Variants in FRMD5 observed in about 807,000 individuals in gnomAD.
FRMD5 encodes the protein FERM domain containing 5.
FRMD5 carries 20 observed loss-of-function variants against 69.0 expected under a neutral mutation model. The observed-to-expected ratio is 0.29, with a 90% CI of 0.20 to 0.42. The LOEUF (loss-of-function observed/expected upper bound fraction) is 0.42. Ranked by LOEUF, FRMD5 falls within the 10% of genes least tolerant of loss-of-function variation. The probability of loss-of-function intolerance (pLI) is 1.00; values close to 1 mark genes in which losing one functional copy is unlikely to be tolerated. For missense variants in FRMD5, 595 were observed against 708.6 expected, an observed-to-expected ratio of 0.84 and a Z score of 1.82; for synonymous variants, 271 against 260.1, an observed-to-expected ratio of 1.04 and a Z score of -0.40.
chr15:44,116,007 C>T (rs1397023522), intron 1 of FRMD5, among the ~76,000 whole-genome samples: 2 of 152,052 alleles, frequency 1.3e-5, no homozygotes. Flanking sequence ...CAACCTATTG[C>T]TTGTTAATAA....
intron 1 of FRMD5, among the ~76,000 whole-genome samples, chr15:44,121,539 A>G (rs1425667147): frequency 6.6e-6 from 1 of 152,158 alleles, no homozygotes; most frequent in Admixed American, 6.5e-5. Flanking sequence ...ATGAGTAGAC[A>G]GAGTCTAATC....
At chr15:44,075,238 C>G (rs1487390844) in intron 1 of FRMD5, among the ~76,000 whole-genome samples, 1 of 152,156 alleles carries the variant, frequency 6.6e-6, no homozygotes, top group Non-Finnish European at 1.5e-5. Flanking sequence ...CTCTCCCTGG[C>G]TTGAACATCA....
chr15:44,128,915 TATA>T (rs2077061038), intron 1 of FRMD5, among the ~76,000 whole-genome samples: 1 of 152,028 alleles, frequency 6.6e-6, no homozygotes, highest in African/African-American at 2.4e-5. Flanking sequence ...AGAAGGCATA[TATA>T]ATGAGTTACT....
intron 1 of FRMD5, among the ~76,000 whole-genome samples, chr15:43,976,784 A>C (rs1298418531): frequency 3.3e-5 from 5 of 151,760 alleles, no homozygotes; most frequent in African/African-American, 7.3e-5. Context: ...CTCCTGCCTC[A>C]GTCTCCCAAG....
At chr15:44,115,983 T>C (rs2076862664) in intron 1 of FRMD5, among the ~76,000 whole-genome samples, 1 of 152,152 alleles carries the variant, frequency 6.6e-6, no homozygotes, top group South Asian at 2.1e-4. Context: ...GCAACTAATG[T>C]GAGCACTGGA....
chr15:44,009,020 G>A (rs1045149992), intron 1 of FRMD5, among the ~76,000 whole-genome samples: 2 of 152,082 alleles, frequency 1.3e-5, no homozygotes, highest in African/African-American at 4.8e-5. Flanking sequence ...AGGAGACTCC[G>A]TCTCAAAAAC....
intron 1 of FRMD5, among the ~76,000 whole-genome samples, chr15:44,016,733 C>CA (rs1011563071): frequency 4.1e-4 from 59 of 143,502 alleles, no homozygotes; most frequent in Admixed American, 6.9e-4. Flanking sequence ...AAAAACAAAA[C>CA]AAAAAAAAAA....
At chr15:43,894,378 G>C (rs1326008500) in intron 7 of FRMD5, among the ~76,000 whole-genome samples, 1 of 152,112 alleles carries the variant, frequency 6.6e-6, no homozygotes, top group Non-Finnish European at 1.5e-5. Context: ...AGACCTTATT[G>C]TGTGAATGGT....
At chr15:44,023,343 T>C (rs1248467907) in intron 1 of FRMD5, among the ~76,000 whole-genome samples, 2 of 152,166 alleles carry the variant, frequency 1.3e-5, no homozygotes, top group African/African-American at 4.8e-5. Context: ...AGTCCTAAGC[T>C]ATAATGTTGA....
At chr15:43,944,857 G>A (rs2089918258) in intron 1 of FRMD5, among the ~76,000 whole-genome samples, 1 of 152,142 alleles carries the variant, frequency 6.6e-6, no homozygotes, top group African/African-American at 2.4e-5. Flanking sequence ...TCTCCTTTCT[G>A]GAATTTTCCT....
intron 1 of FRMD5, among the ~76,000 whole-genome samples, chr15:44,103,171 A>C (rs962225564): frequency 6.6e-6 from 1 of 152,218 alleles, no homozygotes; most frequent in Non-Finnish European, 1.5e-5. Flanking sequence ...TCTTGGGAAC[A>C]CAGCCAGCAT....
At chr15:43,956,494 A>G (rs1266700434) in intron 1 of FRMD5, among the ~76,000 whole-genome samples, 2 of 152,146 alleles carry the variant, frequency 1.3e-5, no homozygotes, top group African/African-American at 4.8e-5. Context: ...ATGTGAGACG[A>G]CTTTTTTTTT....
chr15:43,954,011 A>G (rs556581230), intron 1 of FRMD5, among the ~76,000 whole-genome samples: 2 of 152,296 alleles, frequency 1.3e-5, no homozygotes, highest in South Asian at 4.1e-4. Context: ...TCCTCATTCT[A>G]TGAAAAAGTT....
Position 43,873,807 on chromosome 15 carries a change from C to T in FRMD5, c.*78G>A, listed in dbSNP as rs140698102. 8.2e-3 allele frequency: 12,915 copies of T among 1,569,578 alleles called. 101 individuals carry two copies. Among genetic ancestry groups the T allele is most frequent in the Middle Eastern group, 0.025 (144 of 5,750 alleles). ...CTTGGTATATGTGCCGATGGTTCCG[C>T]GATGGGTCCCATTGCTGGGAATGGG... is the stretch of plus-strand genomic sequence containing the variant. On this transcript the variant is annotated 3_prime_UTR_variant, in exon 14 of 14. Transcript: ENST00000417257.
intron 1 of FRMD5, among the ~76,000 whole-genome samples, chr15:44,004,060 A>G (rs1417419072): frequency 6.6e-6 from 1 of 152,262 alleles, no homozygotes; most frequent in Non-Finnish European, 1.5e-5. Flanking sequence ...TGGTTTGACT[A>G]AAAATTTTCT....
Position 44,069,344 on chromosome 15 carries a change from G to A in FRMD5, c.102+125609C>T, listed in dbSNP as rs80073583. On this transcript the variant is annotated intron_variant, in intron 1 of 13. Transcript: ENST00000417257. Reference sequence around the variant, plus strand: ...TCCTAGGCATTTATCCCAAAGAAATGAAAACCTATGCTCACACAAAAACCT... The same window carrying A: ...TCCTAGGCATTTATCCCAAAGAAATAAAAACCTATGCTCACACAAAAACCT... Among the ~76,000 whole-genome samples, 1,130 of 152,212 alleles carry A rather than the reference G, an allele frequency of 7.4e-3. 21 individuals are homozygous for A. The highest frequency in any genetic ancestry group is 0.026 in the African/African-American group (1,082 of 41,534).
chr15:43,907,676 T>C (rs927934153), intron 5 of FRMD5, among the ~76,000 whole-genome samples: 2 of 152,092 alleles, frequency 1.3e-5, no homozygotes, highest in East Asian at 3.9e-4. Context: ...CCCAGCTAAT[T>C]TTTGTATTTT....
intron 1 of FRMD5, chr15:43,989,451 C>T (rs1345720471): frequency 1.3e-6 from 1 of 798,116 alleles, no homozygotes; most frequent in African/African-American, 1.7e-5. Context: ...GATGACCTGG[C>T]CGTCGGGCAG....
chr15:43,943,076 T>C (rs1394350713), intron 1 of FRMD5, among the ~76,000 whole-genome samples: 1 of 152,132 alleles, frequency 6.6e-6, no homozygotes, highest in African/African-American at 2.4e-5. Flanking sequence ...ACCCTGTCTC[T>C]ACCAAAAATA....
Sources: allele counts gnomAD v4.1 joint callset (sites outside exome capture counted in the v4.1 genomes callset), GRCh38; gene constraint gnomAD v4.1.1; transcripts MANE v1.5; gene names NCBI Gene and HGNC (gene_info 2026-07-23, HGNC 2026-07-21).